COPS4: variants seen among roughly 807,000 people sequenced by gnomAD.
The protein encoded by COPS4 is COP9 signalosome complex subunit 4.
Under a neutral mutation model 55.1 loss-of-function variants are expected in COPS4, and 8 were observed. That is an observed-to-expected ratio of 0.15 (90% CI 0.09 to 0.26). The LOEUF (loss-of-function observed/expected upper bound fraction) is 0.26, where lower values mean the gene tolerates loss of function less well. Among genes scored for constraint, COPS4 ranks in the 10% least tolerant of loss-of-function variants. COPS4 has a pLI of 1.00. For missense variants in COPS4, 248 were observed against 484.0 expected (o/e 0.51, Z 4.58); for synonymous variants, 185 against 165.7 (o/e 1.12, Z -0.90).
rs1292965899 is a variant in COPS4 at position 83,045,616 on chromosome 4, ATTG to A, written c.75-5_75-3del. On this transcript the variant is annotated splice_polypyrimidine_tract_variant and splice_region_variant and intron_variant, in intron 1 of 9. Transcript: ENST00000264389. The stretch of plus-strand genomic sequence containing the variant: ...CCTCAGAACATTATTTTCATTTGGT[ATTG>A]TTGTAGGTATCGTCAGATCCTGGAA... The A allele has an allele frequency of 8.8e-6, 14 of 1,599,550 alleles. No individual in the cohort carries two copies. The highest frequency in any genetic ancestry group is 2.2e-5 in the East Asian group (1 of 44,686).
At chr4:83,074,598 T>TA (rs911311268) in intron 9 of COPS4, among the ~76,000 whole-genome samples, 1 of 150,902 alleles carries the variant, frequency 6.6e-6, no homozygotes, top group Non-Finnish European at 1.5e-5. Flanking sequence ...GAGTAGCTGG[T>TA]ATTACAGGCG....
intron 2 of COPS4, among the ~76,000 whole-genome samples, chr4:83,047,522 C>T (rs1730750095): frequency 6.6e-6 from 1 of 151,792 alleles, no homozygotes; most frequent in South Asian, 2.1e-4. Context: ...TCACTGCGCT[C>T]CAGCCTGGGC....
intron 2 of COPS4, among the ~76,000 whole-genome samples, chr4:83,047,722 C>T (rs1730754373): frequency 6.6e-6 from 1 of 152,282 alleles, no homozygotes; most frequent in East Asian, 1.9e-4. Context: ...GAATAATTGG[C>T]CGGGGCCATG....
At chr4:83,041,869 T>C (rs1481339785) in intron 1 of COPS4, among the ~76,000 whole-genome samples, 1 of 139,750 alleles carries the variant, frequency 7.2e-6, no homozygotes, top group Non-Finnish European at 1.6e-5. Flanking sequence ...AATTTAATAC[T>C]TTTTTTTTTT....
chr4:83,040,212 T>C (rs1184283785), intron 1 of COPS4, among the ~76,000 whole-genome samples: 2 of 152,240 alleles, frequency 1.3e-5, no homozygotes, highest in African/African-American at 4.8e-5. Flanking sequence ...TGATACTTTT[T>C]ATGGCTCCTG....
At chr4:83,074,857 T>G (rs1247030964) in intron 9 of COPS4, among the ~76,000 whole-genome samples, 1 of 151,898 alleles carries the variant, frequency 6.6e-6, no homozygotes, top group Non-Finnish European at 1.5e-5. Context: ...ACGCGGTGGC[T>G]CATGCCTGTA....
At chr4:83,070,539 A>G (rs1202838319) in intron 9 of COPS4, among the ~76,000 whole-genome samples, 1 of 152,124 alleles carries the variant, frequency 6.6e-6, no homozygotes, top group Non-Finnish European at 1.5e-5. Flanking sequence ...TTGGGCTCAA[A>G]CCATCCTCCC....
At chr4:83,057,542 AGTTT>A in intron 6 of COPS4, 134 bp downstream of exon 6, 1 of 607,312 alleles carries the variant, frequency 1.6e-6, no homozygotes, top group Non-Finnish European at 2.7e-6. Context: ...TGGTAAATGT[AGTTT>A]AAGTGTTTAA....
intron 9 of COPS4, among the ~76,000 whole-genome samples, chr4:83,069,612 A>G (rs1020582619): frequency 6.6e-6 from 1 of 152,048 alleles, no homozygotes; most frequent in African/African-American, 2.4e-5. Context: ...TTTTCTCCCC[A>G]TTTATTCTCA....
At chr4:83,058,387 T>G (rs1456456202) in intron 6 of COPS4, among the ~76,000 whole-genome samples, 2 of 152,102 alleles carry the variant, frequency 1.3e-5, no homozygotes, top group Non-Finnish European at 2.9e-5. Flanking sequence ...CTGGCTAATT[T>G]TTTTGTATTT....
intron 7 of COPS4, among the ~76,000 whole-genome samples, chr4:83,063,675 A>G (rs971480697): frequency 1.3e-5 from 2 of 151,320 alleles, no homozygotes; most frequent in Non-Finnish European, 1.5e-5. Context: ...CCAAAGTGCT[A>G]GGATTACAGG....
At chr4:83,074,650 T>C (rs1162853638) in intron 9 of COPS4, among the ~76,000 whole-genome samples, 1 of 137,494 alleles carries the variant, frequency 7.3e-6, no homozygotes, top group Non-Finnish European at 1.6e-5. Context: ...TTTACTTTTC[T>C]TTTTTTTTTT....
chr4:83,067,208 C>T (rs1002412035), intron 8 of COPS4, among the ~76,000 whole-genome samples: 1 of 152,120 alleles, frequency 6.6e-6, no homozygotes, highest in East Asian at 1.9e-4. Context: ...GCTGGTACTA[C>T]AAGTACACAT....
chr4:83,036,486 G>C (rs368179348), intron 1 of COPS4, among the ~76,000 whole-genome samples: 1 of 152,246 alleles, frequency 6.6e-6, no homozygotes, highest in African/African-American at 2.4e-5. Flanking sequence ...AAATTCAGCC[G>C]TATATTTTGG....
intron 9 of COPS4, among the ~76,000 whole-genome samples, chr4:83,073,580 G>T (rs1198869173): frequency 6.6e-6 from 1 of 152,168 alleles, no homozygotes; most frequent in African/African-American, 2.4e-5. Flanking sequence ...GAGAAGGATT[G>T]ATATTTTTAT....
At chr4:83,050,973 A>C (rs957105234) in intron 4 of COPS4, among the ~76,000 whole-genome samples, 2 of 151,974 alleles carry the variant, frequency 1.3e-5, no homozygotes, top group Non-Finnish European at 2.9e-5. Context: ...TAAGAGGCTT[A>C]TGAGACCAGG....
intron 1 of COPS4, chr4:83,035,716 G>A (rs1368423107): frequency 6.0e-6 from 1 of 167,216 alleles, no homozygotes; most frequent in African/African-American, 2.4e-5. Context: ...GTATATTCTG[G>A]GGCCTTGATG....
intron 1 of COPS4, among the ~76,000 whole-genome samples, chr4:83,036,385 G>C (rs911952406): frequency 2.0e-5 from 3 of 152,102 alleles, no homozygotes; most frequent in African/African-American, 7.2e-5. Context: ...GGATACACCT[G>C]TTCTAACCTG....
At chr4:83,067,028 T>G (rs1481510600) in intron 8 of COPS4, among the ~76,000 whole-genome samples, 3 of 152,168 alleles carry the variant, frequency 2.0e-5, no homozygotes, top group African/African-American at 4.8e-5. Context: ...TCGCATCCCT[T>G]TTTCTCTGGC....
Sources: allele counts gnomAD v4.1 joint callset (sites outside exome capture counted in the v4.1 genomes callset), GRCh38; gene constraint gnomAD v4.1.1; transcripts MANE v1.5; gene names NCBI Gene and HGNC (gene_info 2026-07-23, HGNC 2026-07-21).